The following F8 variants were observed in gnomAD, a reference collection of about 807,000 sequenced individuals.
F8 encodes coagulation factor VIII, also known as antihemophilic factor.
Under a neutral mutation model 140.6 loss-of-function variants are expected in F8, and 12 were observed. The ratio of observed to expected loss-of-function variants is 0.09; its 90% CI spans 0.05 to 0.14. F8 has a LOEUF of 0.14. F8 is among the 10% of genes least tolerant of loss of function. The pLI, the probability that F8 is intolerant of heterozygous loss-of-function variation, is 1.00. For missense variants in F8, 1,354 were observed against 1,720.7 expected (o/e 0.79, Z 3.77); for synonymous variants, 585 against 614.6 (o/e 0.95, Z 0.71).
intron 12 of F8, among the ~76,000 whole-genome samples, chrX:154,953,377 T>A (rs949676280): frequency 8.9e-6 from 1 of 111,806 alleles, no homozygotes; most frequent in East Asian, 2.8e-4. Context: ...AGAAACCATG[T>A]GAAGACAAGG....
chrX:154,847,158 T>C (rs1294254381), intron 25 of F8, among the ~76,000 whole-genome samples: 1 of 112,563 alleles, frequency 8.9e-6, no homozygotes. Flanking sequence ...GATCAGCTGT[T>C]AGTCTGATGG....
Position 154,969,416 on chromosome X carries a change from C to G in F8, c.924G>C (p.Ser308=). Residue 308 remains serine (S), a synonymous_variant, in exon 7 of 26, where the codon TCG becomes TCC. Transcript: ENST00000360256. ...RNHRQASLEI[S]PITFLTAQTL... is the part of the protein sequence containing the mutation. ...TTTGAGCAGTAAGGAAAGTTATTGG[C>G]GAGATTTCCAAGGACGCCTGGCGAT... The G allele has an allele frequency of 8.3e-7, 1 of 1,211,283 alleles. No individual in the cohort carries two copies. The highest frequency in any genetic ancestry group is 1.1e-6 in the Non-Finnish European group (1 of 895,235).
intron 4 of F8, among the ~76,000 whole-genome samples, chrX:154,991,124 A>G (rs1415014683): frequency 8.9e-6 from 1 of 112,385 alleles, no homozygotes; most frequent in Non-Finnish European, 1.9e-5. Flanking sequence ...TTCTGTTGCC[A>G]GCCACTGTCA....
chrX:154,997,870 A>G (rs1350796880), intron 2 of F8, among the ~76,000 whole-genome samples: 9 of 111,837 alleles, frequency 8.0e-5, no homozygotes, highest in Admixed American at 2.8e-4. Context: ...AGAAAAAAAG[A>G]GAGGAGTCAA....
intron 1 of F8, among the ~76,000 whole-genome samples, chrX:155,019,838 A>G (rs782481621): frequency 3.6e-4 from 40 of 111,389 alleles, no homozygotes; most frequent in Non-Finnish European, 6.6e-4. Context: ...GCTTATCTCT[A>G]TTTGGTACTA....
chrX:154,942,178 G>C (rs1378215883), intron 13 of F8, among the ~76,000 whole-genome samples: 18 of 103,723 alleles, frequency 1.7e-4, no homozygotes, highest in African/African-American at 5.2e-4. Flanking sequence ...GAGCAGAACT[G>C]AAGGAAATAG....
intron 3 of F8, among the ~76,000 whole-genome samples, chrX:154,996,371 C>T (rs1428359601): frequency 1.8e-5 from 2 of 112,238 alleles, no homozygotes; most frequent in African/African-American, 6.5e-5. Flanking sequence ...GATCCATGGC[C>T]CACATGATAT....
intron 13 of F8, among the ~76,000 whole-genome samples, chrX:154,939,544 C>A (rs2073245612): frequency 8.9e-6 from 1 of 112,944 alleles, no homozygotes; most frequent in South Asian, 3.6e-4. Context: ...GAGCCCCCCA[C>A]AGCTCAAGGA....
chrX:154,963,989 T>C (rs1313869120), intron 9 of F8, among the ~76,000 whole-genome samples: 1 of 111,255 alleles, frequency 9.0e-6, no homozygotes, highest in Non-Finnish European at 1.9e-5. Flanking sequence ...TACAGGCATG[T>C]GCCACCATGC....
At chrX:154,848,297 C>T (rs1603431214) in intron 25 of F8, among the ~76,000 whole-genome samples, 1 of 112,597 alleles carries the variant, frequency 8.9e-6, no homozygotes, top group East Asian at 2.8e-4. Flanking sequence ...GGGAGAACCA[C>T]TACTCTCTTC....
At chrX:154,860,775 C>G (rs1004796895) in intron 24 of F8, among the ~76,000 whole-genome samples, 167 bp from the exon 25 acceptor site, 1 of 112,315 alleles carries the variant, frequency 8.9e-6, no homozygotes. Flanking sequence ...TCTCAGCTCA[C>G]TGAACCTCTG....
At chrX:154,980,367 TTC>T (rs782611702) in intron 6 of F8, among the ~76,000 whole-genome samples, 3 of 111,992 alleles carry the variant, frequency 2.7e-5, no homozygotes, top group Non-Finnish European at 5.6e-5. Context: ...TTCCTTCAAT[TTC>T]TCTGTTAAAT....
At chrX:154,968,135 A>G (rs2124108174) in intron 7 of F8, among the ~76,000 whole-genome samples, 1 of 111,886 alleles carries the variant, frequency 8.9e-6, no homozygotes, top group East Asian at 2.8e-4. Flanking sequence ...AAATTTAATT[A>G]TCATCGTGAT....
At position 154,906,408 on chromosome X, in the gene F8, T is replaced by C. The variant is rs1557276355; in HGVS notation, c.5373+12A>G. On this transcript the variant is annotated intron_variant, in intron 15 of 25. Coordinates refer to ENST00000360256, the MANE Select transcript of F8 (RefSeq NM_000132.4). ...AATTAATTTTCTTGTAATTCCACTG[T>C]CCTTAACTCACCATGATATTATCTT... The C allele has an allele frequency of 1.7e-6, 2 of 1,202,289 alleles. No homozygotes were observed. Among genetic ancestry groups the C allele is most frequent in the African/African-American group, 3.5e-5 (2 of 56,921 alleles).
intron 22 of F8, among the ~76,000 whole-genome samples, chrX:154,863,470 G>T (rs1207586167): frequency 1.1e-4 from 12 of 111,553 alleles, no homozygotes; most frequent in African/African-American, 3.9e-4. Flanking sequence ...TCTACTTTGA[G>T]TTCCTGTAAA....
At chrX:154,850,439 T>TA (rs2072606620) in intron 25 of F8, among the ~76,000 whole-genome samples, 2 of 107,286 alleles carry the variant, frequency 1.9e-5, no homozygotes, top group African/African-American at 6.8e-5. Flanking sequence ...GCAGGCTTGG[T>TA]TCTTTTTTTT....
At chrX:154,898,770 G>A (rs1355604420) in intron 21 of F8, among the ~76,000 whole-genome samples, 1 of 111,862 alleles carries the variant, frequency 8.9e-6, no homozygotes, top group Non-Finnish European at 1.9e-5. Context: ...TCAGTAACTG[G>A]AAAAACTAGG....
chrX:154,929,501 T>C lies in F8; in HGVS notation c.4289A>G (p.Asp1430Gly). ...PIYLTRVLFQDNSSHLPAASY... is the reference protein window; with the variant it reads ...PIYLTRVLFQGNSSHLPAASY... ...TGCTGCTGGAAGATGAGAAGAGTTGTCTTGGAATAGGACCCTGGTCAGATA... is the reference window on the plus strand; with the variant it reads ...TGCTGCTGGAAGATGAGAAGAGTTGCCTTGGAATAGGACCCTGGTCAGATA... Residue 1430 changes from aspartate to glycine, a missense_variant, in exon 14 of 26, where the codon GAC becomes GGC. Physicochemically the swap from Asp to Gly is moderately conservative, Grantham distance 94. Around this residue, in one of 4 missense-constraint regions of F8, gnomAD observed 658 missense variants for 666.5 expected, o/e 0.99. Transcript: ENST00000360256. 8.3e-7 allele frequency: 1 copy of C among 1,211,309 alleles called. No homozygotes were observed.
intron 11 of F8, 111 bp downstream of exon 11, chrX:154,956,846 C>T: frequency 1.4e-6 from 1 of 705,244 alleles, no homozygotes; most frequent in Non-Finnish European, 2.3e-6. Flanking sequence ...TTAGTAAAAG[C>T]TAAGCTCATT....
Sources: allele counts gnomAD v4.1 joint callset (sites outside exome capture counted in the v4.1 genomes callset), GRCh38; gene constraint gnomAD v4.1.1; regional missense constraint gnomAD v4.1.1; transcripts MANE v1.5; gene names NCBI Gene and HGNC (gene_info 2026-07-23, HGNC 2026-07-21).